Variants in COL10A1 observed in about 807,000 individuals in gnomAD.
COL10A1 encodes the protein collagen alpha-1(X) chain.
A neutral mutation model predicts 18.2 loss-of-function variants in COL10A1; 10 were observed. The ratio of observed to expected loss-of-function variants is 0.55; its 90% CI spans 0.34 to 0.93. The LOEUF (loss-of-function observed/expected upper bound fraction) is 0.93. Ranked by LOEUF, COL10A1 falls within the 40% of genes least tolerant of loss-of-function variation. The pLI, the probability that COL10A1 is intolerant of heterozygous loss-of-function variation, is 0.02. For synonymous variants in COL10A1, 330 were observed against 316.6 expected, an observed-to-expected ratio of 1.04 and a Z score of -0.45; for missense variants, 897 against 853.5, an observed-to-expected ratio of 1.05 and a Z score of -0.64.
rs764087740 is a variant in COL10A1 at position 116,121,757 on chromosome 6, C to G, written c.359G>C (p.Arg120Thr). Residue 120 changes from arginine to threonine, a missense_variant, in exon 3 of 3, where the codon AGA becomes ACA. Physicochemically the swap from Arg to Thr is moderately conservative, Grantham distance 71. Coordinates refer to ENST00000651968, the MANE Select transcript of COL10A1 (RefSeq NM_000493.4). ...VPGLPGKPGE[R>T]GPYGPKGDVG... ...ATCTCCTTTTGGTCCATATGGTCCT[C>G]TCTCTCCTGGTTTTCCTGGGAGTCC... 2 of 1,613,886 alleles carry G rather than the reference C, an allele frequency of 1.2e-6. No individual in the cohort carries two copies. Among genetic ancestry groups the G allele is most frequent in the Non-Finnish European group, 1.7e-6 (2 of 1,179,962 alleles).
the COL10A1 span, among the ~76,000 whole-genome samples, chr6:116,189,086 G>T: frequency 6.6e-6 from 1 of 151,736 alleles, no homozygotes; most frequent in South Asian, 2.1e-4. Context: ...CATTGCAATT[G>T]ATTTTTTAAT....
chr6:116,145,960 C>T (rs922771053), intron 1 of COL10A1, among the ~76,000 whole-genome samples: 1 of 152,168 alleles, frequency 6.6e-6, no homozygotes, highest in African/African-American at 2.4e-5. Context: ...AGTGTTTGTA[C>T]AGAGCACTGT....
Position 116,119,833 on chromosome 6 carries a change from G to T in COL10A1, c.*240C>A. Reference sequence around the variant, plus strand: ...TTCTTTGGTGATATTTTTTAATATTGGAGAAAACCTTAAAGAGCCTTAAGA... The same window carrying T: ...TTCTTTGGTGATATTTTTTAATATTTGAGAAAACCTTAAAGAGCCTTAAGA... On this transcript the variant is annotated 3_prime_UTR_variant, in exon 3 of 3. Coordinates refer to ENST00000651968, the MANE Select transcript of COL10A1 (RefSeq NM_000493.4). 7.1e-6 allele frequency: 3 copies of T among 424,138 alleles called. No individual in the cohort carries two copies. The highest frequency in any genetic ancestry group is 3.8e-5 in the Admixed American group (1 of 26,312). The allele number at this position is 424,138 out of a possible 1,614,324, so 26.3% of individuals were successfully genotyped here.
Position 116,125,513 on chromosome 6 carries a change from A to G in COL10A1, c.-15-6T>C, listed in dbSNP as rs1779274281. On this transcript the variant is annotated splice_polypyrimidine_tract_variant and splice_region_variant and intron_variant, in intron 1 of 2. Coordinates refer to ENST00000651968, the MANE Select transcript of COL10A1 (RefSeq NM_000493.4). ...AGCATATTCTCAGATGGATTCTGAA[A>G]AACAGAAAAGAATAACTTTATACAG... The G allele has an allele frequency of 1.2e-6, 2 of 1,612,884 alleles. No homozygotes were observed. Among genetic ancestry groups the G allele is most frequent in the African/African-American group, 2.7e-5 (2 of 74,990 alleles).
At chr6:116,156,266 C>G (rs1434495005) in intron 1 of COL10A1, among the ~76,000 whole-genome samples, 3 of 152,100 alleles carry the variant, frequency 2.0e-5, no homozygotes, top group Non-Finnish European at 4.4e-5. Context: ...ACCCATTTCT[C>G]TAATTTTCCG....
Position 116,121,432 on chromosome 6 carries a change from T to C in COL10A1, c.684A>G (p.Pro228=). The C allele has an allele frequency of 6.2e-7, 1 of 1,614,162 alleles. No individual in the cohort carries two copies. Among genetic ancestry groups the C allele is most frequent in the East Asian group, 2.2e-5 (1 of 44,876 alleles). The change falls in exon 3 of 3, where the codon CCA becomes CCG. Residue 228 remains proline (P), a synonymous_variant. Transcript: ENST00000651968. ...GVGKRGENGV[P]GQPGIKGDRG... ...TATCACCTTTGATGCCTGGCTGTCCTGGAACCCCATTTTCACCTCTTTTTC... is the reference window on the plus strand; with the variant it reads ...TATCACCTTTGATGCCTGGCTGTCCCGGAACCCCATTTTCACCTCTTTTTC...
At chr6:116,126,950 G>A (rs573497167), upstream of COL10A1, among the ~76,000 whole-genome samples, 159 of 152,176 alleles carry the variant, frequency 1.0e-3, no homozygotes, top group Non-Finnish European at 1.9e-3. Context: ...GTCAATTTTG[G>A]TAGTTAGACT....
At chr6:116,156,817 T>A (rs892181070) in intron 1 of COL10A1, among the ~76,000 whole-genome samples, 1 of 152,092 alleles carries the variant, frequency 6.6e-6, no homozygotes, top group African/African-American at 2.4e-5. Context: ...GCAATAATTT[T>A]GTGCTTCACG....
the COL10A1 span, among the ~76,000 whole-genome samples, chr6:116,210,184 A>G: frequency 2.6e-5 from 4 of 151,940 alleles, no homozygotes; most frequent in Non-Finnish European, 4.4e-5. Flanking sequence ...ATTTTCCTTT[A>G]TGGCTTTTGA....
At chr6:116,184,620 G>A in the COL10A1 span, among the ~76,000 whole-genome samples, 2 of 152,002 alleles carry the variant, frequency 1.3e-5, no homozygotes, top group African/African-American at 2.4e-5. Flanking sequence ...TAGGAGGGTT[G>A]TATATTTCCA....
At chr6:116,129,958 T>A (rs1042014216), upstream of COL10A1, among the ~76,000 whole-genome samples, 4 of 152,094 alleles carry the variant, frequency 2.6e-5, no homozygotes, top group African/African-American at 7.2e-5. Context: ...AATACATTTT[T>A]TGGCAAGAAC....
Position 116,120,928 on chromosome 6 carries a change from G to A in COL10A1, c.1188C>T (p.Leu396=), listed in dbSNP as rs771724221. 1.5e-5 allele frequency: 24 copies of A among 1,613,690 alleles called. No individual in the cohort carries two copies. The East Asian group carries it at 2.5e-4, about 16-fold the overall frequency. ...GKPGYPGKPG[L]DGPKGNPGLP... ...ACCCTGGGTTACCCTTAGGACCATCGAGACCTGGTTTTCCTGGGTACCCTG... is the reference window on the plus strand; with the variant it reads ...ACCCTGGGTTACCCTTAGGACCATCAAGACCTGGTTTTCCTGGGTACCCTG... Residue 396 remains leucine, a synonymous_variant, in exon 3 of 3, where the codon CTC becomes CTT. Coordinates refer to ENST00000651968, the MANE Select transcript of COL10A1 (RefSeq NM_000493.4).
At chr6:116,149,297 C>A (rs1246202173) in intron 1 of COL10A1, among the ~76,000 whole-genome samples, 3 of 152,140 alleles carry the variant, frequency 2.0e-5, no homozygotes, top group African/African-American at 4.8e-5. Flanking sequence ...TATATGTTTT[C>A]ATCACTGCAA....
the COL10A1 span, among the ~76,000 whole-genome samples, chr6:116,182,222 A>AGAGTGTGTGTGTGT: frequency 9.7e-4 from 121 of 124,682 alleles, no homozygotes; most frequent in South Asian, 4.8e-3. Context: ...TTCCATGGAG[A>AGAGTGTGTGTGTGT]GTGTGTGTGT....
chr6:116,149,893 C>G (rs1400044062), intron 1 of COL10A1, among the ~76,000 whole-genome samples: 1 of 152,196 alleles, frequency 6.6e-6, no homozygotes, highest in African/African-American at 2.4e-5. Flanking sequence ...TAGGACTTAA[C>G]GGCTTTTTAT....
At chr6:116,173,670 T>C in the COL10A1 span, among the ~76,000 whole-genome samples, 2 of 152,146 alleles carry the variant, frequency 1.3e-5, no homozygotes, top group African/African-American at 2.4e-5. Flanking sequence ...ATTTTTGTAA[T>C]TTATTTATTT....
At chr6:116,150,970 T>C (rs1780023080) in intron 1 of COL10A1, among the ~76,000 whole-genome samples, 1 of 152,244 alleles carries the variant, frequency 6.6e-6, no homozygotes, top group Non-Finnish European at 1.5e-5. Context: ...GTATATTTTA[T>C]GATTTTTTGA....
chr6:116,195,361 T>G, the COL10A1 span, among the ~76,000 whole-genome samples: 3 of 152,124 alleles, frequency 2.0e-5, no homozygotes, highest in African/African-American at 7.2e-5. Context: ...AACACCATTT[T>G]CTGTATTTTT....
At chr6:116,173,118 ATAAAT>A in the COL10A1 span, among the ~76,000 whole-genome samples, 1 of 152,150 alleles carries the variant, frequency 6.6e-6, no homozygotes, top group African/African-American at 2.4e-5. Context: ...CATTATGGAG[ATAAAT>A]TAAACACAAT....
Sources: gnomAD v4.1 joint callset for allele counts (sites outside exome capture counted in the v4.1 genomes callset) on GRCh38, gnomAD v4.1.1 for gene constraint, MANE v1.5 for transcripts, NCBI Gene and HGNC (gene_info 2026-07-23, HGNC 2026-07-21) for gene names.